ADAMTS14: variants seen among roughly 807,000 people sequenced by gnomAD.
ADAMTS14 encodes the protein ADAM metallopeptidase with thrombospondin type 1 motif 14, also known as A disintegrin and metalloproteinase with thrombospondin motifs 14.
Under a neutral mutation model 128.6 loss-of-function variants are expected in ADAMTS14, and 100 were observed. That is an observed-to-expected ratio of 0.78 (90% CI 0.66 to 0.92). The LOEUF (loss-of-function observed/expected upper bound fraction) is 0.92, where lower values mean the gene tolerates loss of function less well. Ranked by LOEUF, ADAMTS14 falls within the 40% of genes least tolerant of loss-of-function variation. The pLI, the probability that ADAMTS14 is intolerant of heterozygous loss-of-function variation, is 0.00. For missense variants in ADAMTS14, 1,562 were observed against 1,658.6 expected (o/e 0.94, Z 1.01); for synonymous variants, 665 against 653.8 (o/e 1.02, Z -0.26).
At chr10:70,721,024 T>C (rs561429389) in intron 4 of ADAMTS14, among the ~76,000 whole-genome samples, 366 of 138,034 alleles carry the variant, frequency 2.7e-3, no homozygotes, top group South Asian at 0.02. Flanking sequence ...TTTTTCTTTT[T>C]TTTTTTTTTT....
intron 4 of ADAMTS14, among the ~76,000 whole-genome samples, chr10:70,724,030 GGTT>G (rs1841352137): frequency 6.6e-6 from 1 of 152,202 alleles, no homozygotes; most frequent in Non-Finnish European, 1.5e-5. Flanking sequence ...CTCCCCATAG[GGTT>G]GTTGTGAGGC....
intron 4 of ADAMTS14, among the ~76,000 whole-genome samples, chr10:70,728,635 TC>T: frequency 6.6e-6 from 1 of 152,328 alleles, no homozygotes; most frequent in South Asian, 2.1e-4. Context: ...TGGCCCACAG[TC>T]CTGGGCCTGT....
At chr10:70,733,393 G>T (rs1482947953) in intron 7 of ADAMTS14, among the ~76,000 whole-genome samples, 1 of 152,240 alleles carries the variant, frequency 6.6e-6, no homozygotes, top group African/African-American at 2.4e-5. Context: ...TCTTGGAGAG[G>T]CTCAAGAGGC....
At chr10:70,729,177 C>A (rs895029905) in intron 4 of ADAMTS14, 117 bp from the exon 5 acceptor site, 4 of 861,404 alleles carry the variant, frequency 4.6e-6, no homozygotes, top group Middle Eastern at 2.5e-4. Context: ...GGATAAGTAT[C>A]TTGCCTGATA....
chr10:70,761,744 C>G lies in ADAMTS14; in HGVS notation c.*891C>G, dbSNP rs768606660. 1 of 152,254 alleles carries G rather than the reference C, an allele frequency of 6.6e-6. No individual in the cohort carries two copies. The allele number at this position is 152,254 out of a possible 1,614,324, so 9.4% of individuals were successfully genotyped here. On this transcript the variant is annotated 3_prime_UTR_variant, in exon 22 of 22. Transcript: ENST00000373207. The stretch of plus-strand genomic sequence containing the variant: ...GACTCTGTGGGACACAGAGGGAACA[C>G]GATTTCTCAGGCTGTCCCTTCAATC...
chr10:70,702,205 G>A (rs1466118479), intron 2 of ADAMTS14, 107 bp from the exon 3 acceptor site: 4 of 1,488,122 alleles, frequency 2.7e-6, no homozygotes, highest in Non-Finnish European at 3.7e-6. Context: ...GAGCCTGCAA[G>A]CATGTAGGGT....
intron 2 of ADAMTS14, among the ~76,000 whole-genome samples, chr10:70,697,174 C>G (rs1267641175): frequency 6.6e-6 from 1 of 152,220 alleles, no homozygotes; most frequent in Non-Finnish European, 1.5e-5. Flanking sequence ...TGGGGAAGCC[C>G]CAGATAGGCC....
chr10:70,720,486 A>C (rs988926598), intron 4 of ADAMTS14, among the ~76,000 whole-genome samples: 2 of 152,178 alleles, frequency 1.3e-5, no homozygotes, highest in African/African-American at 4.8e-5. Flanking sequence ...TATGGCACAC[A>C]TGTGAACTTG....
intron 4 of ADAMTS14, among the ~76,000 whole-genome samples, chr10:70,715,443 G>A (rs933737636): frequency 2.0e-5 from 3 of 152,082 alleles, no homozygotes; most frequent in Admixed American, 6.6e-5. Context: ...TGCCCTCAGC[G>A]AGGCCCCTTC....
At chr10:70,691,656 C>T (rs1840194291) in intron 2 of ADAMTS14, among the ~76,000 whole-genome samples, 1 of 152,018 alleles carries the variant, frequency 6.6e-6, no homozygotes, top group Non-Finnish European at 1.5e-5. Flanking sequence ...CACTATGGAC[C>T]CCCAGCTTGG....
At chr10:70,749,233 T>A (rs16927881) in intron 15 of ADAMTS14, among the ~76,000 whole-genome samples, 3 of 152,184 alleles carry the variant, frequency 2.0e-5, no homozygotes, top group African/African-American at 7.2e-5. Flanking sequence ...GTTTATGAAC[T>A]CTTCTCGTTG....
At chr10:70,752,897 G>A (rs925925787) in intron 18 of ADAMTS14, among the ~76,000 whole-genome samples, 1 of 152,198 alleles carries the variant, frequency 6.6e-6, no homozygotes, top group Non-Finnish European at 1.5e-5. Flanking sequence ...CTGTGCCCAG[G>A]CCAGGCCATG....
chr10:70,741,254 C>T (rs1841992341), intron 12 of ADAMTS14, 92 bp downstream of exon 12: 1 of 1,436,204 alleles, frequency 7.0e-7, no homozygotes, highest in African/African-American at 1.4e-5. Context: ...CCTACATACA[C>T]CAGTGAAGGT....
At chr10:70,723,150 A>T (rs1841323218) in intron 4 of ADAMTS14, among the ~76,000 whole-genome samples, 1 of 152,134 alleles carries the variant, frequency 6.6e-6, no homozygotes, top group Non-Finnish European at 1.5e-5. Flanking sequence ...CCATCTAACC[A>T]TGAGAAAACC....
In ADAMTS14 at chr10:70,741,080, G is replaced by C. The variant is rs766399159; in HGVS notation, c.1842G>C (p.Arg614=). The change falls in exon 12 of 22, where the codon CGG becomes CGC. Residue 614 remains arginine, a synonymous_variant. Transcript: ENST00000373207. ...GCCCTGGGACCTACGAGGACTTCCGGGCCCAGCAGTGTGCCAAGCGCAACT... is the reference window on the plus strand; with the variant it reads ...GCCCTGGGACCTACGAGGACTTCCGCGCCCAGCAGTGTGCCAAGCGCAACT... The part of the protein sequence containing the change: ...EECPGTYEDF[R]AQQCAKRNSY... The C allele has an allele frequency of 8.1e-6, 13 of 1,613,896 alleles. No individual in the cohort carries two copies. The highest frequency in any genetic ancestry group is 1.0e-5 in the Non-Finnish European group (12 of 1,179,962).
intron 21 of ADAMTS14, among the ~76,000 whole-genome samples, chr10:70,759,036 G>A (rs909559444): frequency 7.3e-5 from 11 of 150,180 alleles, no homozygotes; most frequent in East Asian, 5.8e-4. Context: ...CCAGTTGGCT[G>A]CAAATTCGTT....
chr10:70,702,663 A>T (rs568233221), intron 3 of ADAMTS14, among the ~76,000 whole-genome samples, 195 bp downstream of exon 3: 1 of 152,276 alleles, frequency 6.6e-6, no homozygotes, highest in South Asian at 2.1e-4. Flanking sequence ...GGCTGGAGCT[A>T]GGGGCCAGAG....
At chr10:70,713,790 G>A (rs1021879929) in intron 4 of ADAMTS14, among the ~76,000 whole-genome samples, 2 of 152,188 alleles carry the variant, frequency 1.3e-5, no homozygotes, top group Admixed American at 1.3e-4. Flanking sequence ...AAGCAGCAAA[G>A]CATGCGGACA....
intron 2 of ADAMTS14, among the ~76,000 whole-genome samples, chr10:70,688,850 G>A (rs12241181): frequency 0.92 from 4,017 of 4,378 alleles, 1,878 homozygotes; most frequent in Non-Finnish European, 0.95. Flanking sequence ...GACCGGAGGG[G>A]GAGGGGGAGG....
Sources: gnomAD v4.1 joint callset for allele counts (sites outside exome capture counted in the v4.1 genomes callset) on GRCh38, gnomAD v4.1.1 for gene constraint, MANE v1.5 for transcripts, NCBI Gene and HGNC (gene_info 2026-07-23, HGNC 2026-07-21) for gene names.